DDR2: variants seen among roughly 807,000 people sequenced by gnomAD.
DDR2 encodes discoidin domain receptor tyrosine kinase 2.
Under a neutral mutation model 94.9 loss-of-function variants are expected in DDR2, and 27 were observed. That is an observed-to-expected ratio of 0.28 (90% CI 0.21 to 0.39). The LOEUF (loss-of-function observed/expected upper bound fraction) is 0.39, where lower values mean the gene tolerates loss of function less well. Among genes scored for constraint, DDR2 ranks in the 10% least tolerant of loss-of-function variants. DDR2 has a pLI of 1.00. For synonymous variants in DDR2, 382 were observed against 377.2 expected (o/e 1.01, Z -0.15); for missense variants, 783 against 1,076.0 (o/e 0.73, Z 3.81).
intron 2 of DDR2, among the ~76,000 whole-genome samples, chr1:162,710,064 C>T (rs1032343167): frequency 6.6e-6 from 1 of 152,124 alleles, no homozygotes; most frequent in Non-Finnish European, 1.5e-5. Flanking sequence ...CCATTCTGCC[C>T]CTGGAAGAGG....
chr1:162,761,527 T>G (rs769241597), intron 9 of DDR2, 73 bp downstream of exon 9: 12 of 1,610,788 alleles, frequency 7.4e-6, no homozygotes, highest in Non-Finnish European at 1.0e-5. Context: ...CCAGAACTTC[T>G]CATTAGCAGG....
chr1:162,755,768 A>T lies in DDR2; in HGVS notation c.670A>T (p.Ser224Cys), dbSNP rs767100531. The T allele has an allele frequency of 1.9e-6, 3 of 1,613,676 alleles. No individual in the cohort carries two copies. The Admixed American group carries it at 5.0e-5, about 27-fold the overall frequency. ...DSVYDGAVGY[S>C]MTEGLGQLTD... ...TGTCTATGATGGAGCTGTTGGATAC[A>T]GGTAAATCCTGGGAAACTTTATTAG... Residue 224 changes from serine (S) to cysteine (C), a missense_variant and splice_region_variant, in exon 7 of 18, where the codon AGC becomes TGC. By Grantham distance (112) the Ser-to-Cys change is moderately radical. Transcript: ENST00000367921.
chr1:162,765,869 T>C (rs932318959), intron 9 of DDR2, 132 bp from the exon 10 acceptor site: 20 of 818,352 alleles, frequency 2.4e-5, no homozygotes, highest in Non-Finnish European at 4.1e-6. Flanking sequence ...TATTTATGAT[T>C]TTATCTTTTT....
intron 2 of DDR2, among the ~76,000 whole-genome samples, chr1:162,711,781 T>TAC (rs917444288): frequency 6.6e-6 from 1 of 151,640 alleles, no homozygotes; most frequent in East Asian, 2.0e-4. Context: ...TATATATATA[T>TAC]ACACACACAT....
At chr1:162,666,667 T>A (rs1481682801) in intron 2 of DDR2, among the ~76,000 whole-genome samples, 1 of 152,196 alleles carries the variant, frequency 6.6e-6, no homozygotes, top group Non-Finnish European at 1.5e-5. Context: ...GCTGAATAGC[T>A]GGCATTTATG....
intron 1 of DDR2, 140 bp from the exon 2 acceptor site, chr1:162,655,071 C>G (rs1657889464): frequency 6.6e-6 from 1 of 152,170 alleles, no homozygotes; most frequent in Non-Finnish European, 1.5e-5. Flanking sequence ...CCGAGATCCT[C>G]TGGGATACAT....
chr1:162,730,138 T>C (rs949738865), intron 3 of DDR2, among the ~76,000 whole-genome samples: 2 of 145,744 alleles, frequency 1.4e-5, no homozygotes, highest in African/African-American at 5.1e-5. Flanking sequence ...AAGGAACCCA[T>C]AGGAATATCA....
At chr1:162,716,527 T>C (rs558396918) in intron 2 of DDR2, among the ~76,000 whole-genome samples, 1 of 152,314 alleles carries the variant, frequency 6.6e-6, no homozygotes, top group South Asian at 2.1e-4. Flanking sequence ...TGGAAGTGGC[T>C]AGGAACACTG....
At chr1:162,687,864 ACGAGGTGGATCG>A (rs1659763484) in intron 2 of DDR2, among the ~76,000 whole-genome samples, 3 of 152,208 alleles carry the variant, frequency 2.0e-5, no homozygotes, top group African/African-American at 7.2e-5. Flanking sequence ...TAATGGGGTC[ACGAGGTGGATCG>A]TTCTTTTGGG....
chr1:162,660,370 A>G (rs1251313480), intron 2 of DDR2, among the ~76,000 whole-genome samples: 1 of 87,134 alleles, frequency 1.1e-5, no homozygotes, highest in African/African-American at 3.5e-5. Flanking sequence ...CCCCGTACTT[A>G]TGTTCTGCTC....
chr1:162,690,522 C>T (rs1031513262), intron 2 of DDR2, among the ~76,000 whole-genome samples: 1 of 152,094 alleles, frequency 6.6e-6, no homozygotes, highest in African/African-American at 2.4e-5. Flanking sequence ...AGATACATAA[C>T]GGGTGATAAG....
chr1:162,652,218 A>T (rs75179950), intron 1 of DDR2, among the ~76,000 whole-genome samples: 1,988 of 152,340 alleles, frequency 0.013, 49 homozygotes, highest in African/African-American at 0.045. Flanking sequence ...AAAAATTGTC[A>T]TGCTTACCCG....
chr1:162,681,763 G>A (rs764002398), intron 2 of DDR2, among the ~76,000 whole-genome samples: 5 of 152,122 alleles, frequency 3.3e-5, no homozygotes, highest in African/African-American at 1.2e-4. Context: ...CCCCACAAAG[G>A]CTTCAACTCC....
intron 3 of DDR2, among the ~76,000 whole-genome samples, chr1:162,744,311 CCCTTTCCT>C (rs1351937357): frequency 6.6e-6 from 1 of 152,134 alleles, no homozygotes; most frequent in Non-Finnish European, 1.5e-5. Flanking sequence ...TTCCTCATTT[CCCTTTCCT>C]CCCAATTCCT....
intron 3 of DDR2, among the ~76,000 whole-genome samples, chr1:162,730,056 TGCA>T (rs1558051303): frequency 7.3e-6 from 1 of 136,708 alleles, no homozygotes. Context: ...TTTTTTTTTT[TGCA>T]AAAAAAAAAA....
At chr1:162,635,922 T>C (rs1323752579) in intron 1 of DDR2, among the ~76,000 whole-genome samples, 1 of 152,218 alleles carries the variant, frequency 6.6e-6, no homozygotes, top group Non-Finnish European at 1.5e-5. Flanking sequence ...TTAGTTCTAT[T>C]CATCAAAGAT....
At position 162,754,049 on chromosome 1, in the gene DDR2, A is replaced by G. The variant is rs375488358; in HGVS notation, c.186-575A>G. ...AAGTAAACTTTATAATAATTTCACA[A>G]TTTTGCTCAGTGGTAGCTCAGCCTG... On this transcript the variant is annotated intron_variant, in intron 4 of 17. Coordinates refer to ENST00000367921, the MANE Select transcript of DDR2 (RefSeq NM_006182.4). 1.7e-4 allele frequency among the ~76,000 whole-genome samples: 26 copies of G among 152,238 alleles called. 1 individual carries two copies. The South Asian group carries it at 3.5e-3, about 21-fold the overall frequency.
chr1:162,748,216 A>G (rs1662981981), intron 3 of DDR2, among the ~76,000 whole-genome samples: 1 of 152,258 alleles, frequency 6.6e-6, no homozygotes, highest in African/African-American at 2.4e-5. Context: ...AAGTTGGATA[A>G]AGAGTCAAGA....
At chr1:162,741,257 T>TATAATATAATATA (rs1558057581) in intron 3 of DDR2, among the ~76,000 whole-genome samples, 9 of 117,266 alleles carry the variant, frequency 7.7e-5, no homozygotes, top group East Asian at 2.6e-4. Flanking sequence ...TATAATGTAA[T>TATAATATAATATA]GTAATGTAAT....
Sources: allele counts gnomAD v4.1 joint callset (sites outside exome capture counted in the v4.1 genomes callset), GRCh38; gene constraint gnomAD v4.1.1; transcripts MANE v1.5; gene names NCBI Gene and HGNC (gene_info 2026-07-23, HGNC 2026-07-21).